Variants in LRFN1 observed in about 807,000 individuals in gnomAD.
The protein encoded by LRFN1 is leucine-rich repeat and fibronectin type III domain-containing protein 1.
LRFN1 carries 20 observed loss-of-function variants against 31.8 expected under a neutral mutation model. The ratio of observed to expected loss-of-function variants is 0.63; its 90% CI spans 0.44 to 0.91. LRFN1 has a LOEUF of 0.91. Ranked by LOEUF, LRFN1 falls within the 40% of genes least tolerant of loss-of-function variation. The pLI is 0.00. For synonymous variants in LRFN1, 514 were observed against 541.3 expected, an observed-to-expected ratio of 0.95 and a Z score of 0.70; for missense variants, 912 against 1,129.8, an observed-to-expected ratio of 0.81 and a Z score of 2.76.
At chr19:39,316,475 C>T (rs868564228) in intron 2 of LRFN1, among the ~76,000 whole-genome samples, 1 of 152,148 alleles carries the variant, frequency 6.6e-6, no homozygotes, top group Non-Finnish European at 1.5e-5. Flanking sequence ...TACCACCGAC[C>T]ATGCCTGGCA....
rs1291786896 is a variant in LRFN1, at chr19:39,314,848, G to C, written c.489C>G (p.Thr163=). Residue 163 remains threonine, a synonymous_variant, in exon 4 of 5, where the codon ACC becomes ACG. Transcript: ENST00000248668. ...TGTAGGACAGATCCAGGTCCTCCAC[G>C]GTGGACAGGAAGGCGTCAAAGGCCG... is the stretch of plus-strand genomic sequence containing the variant. ...ESAAFDAFLS[T]VEDLDLSYNN... is the part of the protein sequence containing the mutation. The C allele has an allele frequency of 8.1e-6, 13 of 1,611,748 alleles. No individual in the cohort carries two copies. The highest frequency in any genetic ancestry group is 1.0e-5 in the Non-Finnish European group (12 of 1,179,068).
In LRFN1 at chr19:39,314,557, C is replaced by A; in HGVS notation, c.780G>T (p.Leu260=). The change falls in exon 4 of 5, where the codon CTG becomes CTT. Residue 260 remains leucine (L), a synonymous_variant. Transcript: ENST00000248668. ...GGNPLHCNCE[L]LWLRRLTRED... is the part of the protein sequence containing the mutation. ...CGCGGGTCAGCCGCCGCAGCCAGAGCAGCTCGCAGTTGCAGTGCAGGGGGT... is the reference window on the plus strand; with the variant it reads ...CGCGGGTCAGCCGCCGCAGCCAGAGAAGCTCGCAGTTGCAGTGCAGGGGGT... 1.2e-6 allele frequency: 2 copies of A among 1,610,090 alleles called. No individual in the cohort carries two copies. Among genetic ancestry groups the A allele is most frequent in the Middle Eastern group, 1.7e-4 (1 of 6,056 alleles).
At position 39,315,514 on chromosome 19, in the gene LRFN1, A is replaced by AACAACAG. The variant is rs2075169355; in HGVS notation, c.-37-148_-37-142dup. The AACAACAG allele has an allele frequency of 3.5e-6, 2 of 576,808 alleles. No individual in the cohort carries two copies. Among genetic ancestry groups the AACAACAG allele is most frequent in the Middle Eastern group, 4.5e-4 (1 of 2,222 alleles). The allele number at this position is 576,808 out of a possible 1,614,324, so 35.7% of individuals were successfully genotyped here. A position where few individuals can be genotyped will look rare whatever the true frequency, so the allele number is the denominator to read the frequency against. Reference sequence around the variant, plus strand: ...TGAGAGGAAGCCACTATCAGCTATTAACAACAGATTACAACACTTCCATGC... The same window carrying AACAACAG: ...TGAGAGGAAGCCACTATCAGCTATTAACAACAGACAACAGATTACAACACTTCCATGC... On this transcript the variant is annotated intron_variant, in intron 3 of 4. Coordinates refer to ENST00000248668, the MANE Select transcript of LRFN1 (RefSeq NM_020862.2). This position sits in a 1 kb window ranked among gnomAD's most constrained non-coding sequence, Gnocchi z 4.7.
chr19:39,312,165 C>T (rs749810553), intron 4 of LRFN1, among the ~76,000 whole-genome samples: 47 of 151,992 alleles, frequency 3.1e-4, no homozygotes, highest in African/African-American at 6.0e-4. Flanking sequence ...CCATCGCGCC[C>T]GGCCAAGAGG....
chr19:39,310,315 A>T (rs1052449659), intron 4 of LRFN1, among the ~76,000 whole-genome samples: 2 of 152,220 alleles, frequency 1.3e-5, no homozygotes, highest in Admixed American at 1.3e-4. Flanking sequence ...GGGGATGATA[A>T]TAATTCCTAC....
rs2075130758 is a variant in LRFN1 at position 39,306,956 on chromosome 19, A to G, written c.*677T>C. 1 of 202,694 alleles carries G rather than the reference A, an allele frequency of 4.9e-6. No individual in the cohort carries two copies. Among genetic ancestry groups the G allele is most frequent in the Non-Finnish European group, 9.8e-6 (1 of 102,228 alleles). The allele number at this position is 202,694 out of a possible 1,614,324, so 12.6% of individuals were successfully genotyped here. A position where few individuals can be genotyped will look rare whatever the true frequency, so the allele number is the denominator to read the frequency against. On this transcript the variant is annotated 3_prime_UTR_variant, in exon 5 of 5. Coordinates refer to ENST00000248668, the MANE Select transcript of LRFN1 (RefSeq NM_020862.2). ...CCTTCCAGTGGGACCTGCCCGGGAG[A>G]ATGAGTAAAGAGAAGAAATCAGGAG...
In LRFN1 at chr19:39,307,971, C is replaced by T. The variant is rs1477970862; in HGVS notation, c.1978G>A (p.Gly660Arg). 8 of 1,580,054 alleles carry T rather than the reference C, an allele frequency of 5.1e-6. No individual in the cohort carries two copies. The highest frequency in any genetic ancestry group is 5.1e-6 in the Non-Finnish European group (6 of 1,171,236). Residue 660 changes from glycine (G) to arginine (R), a missense_variant, in exon 5 of 5, where the codon GGG becomes AGG. By Grantham distance (125) the Gly-to-Arg change is moderately radical. Around this residue, in one of 2 missense-constraint regions of LRFN1, gnomAD observed 511 missense variants for 557.0 expected, o/e 0.92. Transcript: ENST00000248668. The surrounding 1 kb of genome is among the most constrained non-coding windows in gnomAD (Gnocchi z 6.7). ...CCCACCGCGGCCCGAGACTCCTCCC[C>T]GGAAGTTTCCTCGGATGGCAGCAGG... Reference protein sequence around the residue: ...LCLLPSEETSGEESRAAVGPR... With the variant: ...LCLLPSEETSREESRAAVGPR...
At chr19:39,310,093 G>C (rs565263670) in intron 4 of LRFN1, among the ~76,000 whole-genome samples, 1 of 152,304 alleles carries the variant, frequency 6.6e-6, no homozygotes, top group South Asian at 2.1e-4. Flanking sequence ...GGACAGCTGA[G>C]ATTACAGGCA....
At chr19:39,312,780 G>A (rs1263263163) in intron 4 of LRFN1, among the ~76,000 whole-genome samples, 3 of 149,294 alleles carry the variant, frequency 2.0e-5, no homozygotes, top group Non-Finnish European at 4.4e-5. Context: ...CCAGCCTGGG[G>A]TGACAGAGCA....
At position 39,307,452 on chromosome 19, in the gene LRFN1, G is replaced by T. The variant is rs1159512674; in HGVS notation, c.*181C>A. On this transcript the variant is annotated 3_prime_UTR_variant, in exon 5 of 5. Transcript: ENST00000248668. The surrounding 1 kb of genome is among the most constrained non-coding windows in gnomAD (Gnocchi z 6.7). Reference sequence around the variant, plus strand: ...CAGCCGGTCCCCGAACCCCGCCCTGGGCACGGGGGCGTGGCCTCGAGCCGC... The same window carrying T: ...CAGCCGGTCCCCGAACCCCGCCCTGTGCACGGGGGCGTGGCCTCGAGCCGC... The T allele has an allele frequency of 6.8e-6, 4 of 585,244 alleles. No homozygotes were observed. Among genetic ancestry groups the T allele is most frequent in the African/African-American group, 5.8e-5 (3 of 51,508 alleles). The allele number at this position is 585,244 out of a possible 1,614,324, so 36.3% of individuals were successfully genotyped here.
rs2075162372 is a variant in LRFN1, at chr19:39,314,308, G to A, written c.1029C>T (p.Asn343=). The change falls in exon 4 of 5, where the codon AAC becomes AAT. Residue 343 remains asparagine (N), a synonymous_variant. Transcript: ENST00000248668. ...WVAPDGRLLG[N]SSRTRVRGDG... is the part of the protein sequence containing the mutation. ...CCCCCCGGACCCGGGTCCGGCTGGA[G>A]TTCCCCAGCAGCCGCCCATCAGGTG... The A allele has an allele frequency of 6.2e-7, 1 of 1,605,378 alleles. No homozygotes were observed. The highest frequency in any genetic ancestry group is 1.1e-5 in the South Asian group (1 of 89,912).
Position 39,307,660 on chromosome 19 carries a change from G to T in LRFN1, c.2289C>A (p.Thr763=). Residue 763 remains threonine, a synonymous_variant, in exon 5 of 5, where the codon ACC becomes ACA. Transcript: ENST00000248668. This position sits in a 1 kb window ranked among gnomAD's most constrained non-coding sequence, Gnocchi z 6.7. ...SARACLAFTS[T]EWMLESTV The stretch of plus-strand genomic sequence containing the variant: ...ACACGGTACTCTCCAGCATCCACTC[G>T]GTGCTGGTGAAAGCCAGGCACGCCC... 1 of 1,482,332 alleles carries T rather than the reference G, an allele frequency of 6.7e-7. No homozygotes were observed. The highest frequency in any genetic ancestry group is 8.9e-7 in the Non-Finnish European group (1 of 1,125,382). The allele number at this position is 1,482,332 out of a possible 1,614,324, so 91.8% of individuals were successfully genotyped here. A position where few individuals can be genotyped will look rare whatever the true frequency, so the allele number is the denominator to read the frequency against.
rs536686948 is a variant in LRFN1, at chr19:39,308,086, G to C, written c.1863C>G (p.Val621=). The change falls in exon 5 of 5, where the codon GTC becomes GTG. Residue 621 remains valine (V), a synonymous_variant. Transcript: ENST00000248668. The surrounding 1 kb of genome is among the most constrained non-coding windows in gnomAD (Gnocchi z 6.2). ...TCTCGGCCTCCATGGCCTTGGCCTC[G>C]ACGGCGACGGCGGGGGCAGCCTGGG... The part of the protein sequence containing the change: ...VESQAAPAVA[V]EAKAMEAETA... 70 of 1,495,918 alleles carry C rather than the reference G, an allele frequency of 4.7e-5. No individual in the cohort carries two copies. In the Middle Eastern group the frequency reaches 7.3e-4, roughly 15 times the overall value. The allele number at this position is 1,495,918 out of a possible 1,614,324, so 92.7% of individuals were successfully genotyped here.
At position 39,307,446 on chromosome 19, in the gene LRFN1, G is replaced by T. The variant is rs895712514; in HGVS notation, c.*187C>A. 14 of 554,314 alleles carry T rather than the reference G, an allele frequency of 2.5e-5. No homozygotes were observed. The Admixed American group carries it at 5.2e-4, about 21-fold the overall frequency. 34.3% of individuals were successfully genotyped at this position (554,314 alleles called of 1,614,324 possible). On this transcript the variant is annotated 3_prime_UTR_variant, in exon 5 of 5. Transcript: ENST00000248668. This position sits in a 1 kb window ranked among gnomAD's most constrained non-coding sequence, Gnocchi z 6.7. Reference sequence around the variant, plus strand: ...GGCCGGCAGCCGGTCCCCGAACCCCGCCCTGGGCACGGGGGCGTGGCCTCG... The same window carrying T: ...GGCCGGCAGCCGGTCCCCGAACCCCTCCCTGGGCACGGGGGCGTGGCCTCG...
Position 39,307,719 on chromosome 19 carries a change from C to G in LRFN1, c.2230G>C (p.Gly744Arg). The change falls in exon 5 of 5, where the codon GGG (glycine) becomes CGG (arginine). Residue 744 changes from glycine (G) to arginine (R), a missense_variant. Physicochemically the swap from Gly to Arg is moderately radical, Grantham distance 125. Transcript: ENST00000248668. This position sits in a 1 kb window ranked among gnomAD's most constrained non-coding sequence, Gnocchi z 6.7. ...HLDGAGGGAA[G>R]EDGDLGLGSA... ...CCCAGCCCCAGGTCTCCATCCTCCCCGGCCGCGCCCCCTCCAGCCCCGTCC... is the reference window on the plus strand; with the variant it reads ...CCCAGCCCCAGGTCTCCATCCTCCCGGGCCGCGCCCCCTCCAGCCCCGTCC... 6 of 1,499,352 alleles carry G rather than the reference C, an allele frequency of 4.0e-6. No individual in the cohort carries two copies. The highest frequency in any genetic ancestry group is 5.3e-6 in the Non-Finnish European group (6 of 1,137,080). 92.9% of individuals were successfully genotyped at this position (1,499,352 alleles called of 1,614,324 possible). A position where few individuals can be genotyped will look rare whatever the true frequency, so the allele number is the denominator to read the frequency against.
chr19:39,313,987 T>A lies in LRFN1; in HGVS notation c.1350A>T (p.Gly450=). The part of the protein sequence containing the change: ...IRWPAQRPVP[G]IRMYQVQYNS... Reference sequence around the variant, plus strand: ...TGTACTGAACCTGGTACATGCGTATTCCGGGCACAGGCCTCTGGGCTGGCC... The same window carrying A: ...TGTACTGAACCTGGTACATGCGTATACCGGGCACAGGCCTCTGGGCTGGCC... Residue 450 remains glycine, a synonymous_variant, in exon 4 of 5, where the codon GGA becomes GGT. Transcript: ENST00000248668. The A allele has an allele frequency of 6.2e-7, 1 of 1,609,554 alleles. No homozygotes were observed. The highest frequency in any genetic ancestry group is 8.5e-7 in the Non-Finnish European group (1 of 1,178,694).
At position 39,307,913 on chromosome 19, in the gene LRFN1, G is replaced by A. The variant is rs1276203120; in HGVS notation, c.2036C>T (p.Pro679Leu). The A allele has an allele frequency of 5.7e-6, 9 of 1,566,030 alleles. No individual in the cohort carries two copies. In the South Asian group the frequency reaches 6.9e-5, roughly 12 times the overall value. The change falls in exon 5 of 5, where the codon CCA becomes CTA. Residue 679 changes from proline to leucine, a missense_variant. Coordinates refer to ENST00000248668, the MANE Select transcript of LRFN1 (RefSeq NM_020862.2). This position sits in a 1 kb window ranked among gnomAD's most constrained non-coding sequence, Gnocchi z 6.7. ...PRRSRSGALEPPTSAPPTLAL... is the reference protein window; with the variant it reads ...PRRSRSGALELPTSAPPTLAL... The stretch of plus-strand genomic sequence containing the variant: ...TAGAGTAGGGGGCGCCGAGGTTGGT[G>A]GCTCCAGGGCGCCGGATCGGCTCCT...
chr19:39,310,668 C>A (rs973539673), intron 4 of LRFN1, among the ~76,000 whole-genome samples: 1 of 152,152 alleles, frequency 6.6e-6, no homozygotes, highest in African/African-American at 2.4e-5. Context: ...TCCCGGGAGA[C>A]AAGGACTGCC....
At chr19:39,320,107 C>CG (rs2075183572) in intron 1 of LRFN1, among the ~76,000 whole-genome samples, 1 of 149,978 alleles carries the variant, frequency 6.7e-6, no homozygotes, top group African/African-American at 2.5e-5. Flanking sequence ...CCATCCCCCC[C>CG]CCGCAACCAC....
Sources: allele counts gnomAD v4.1 joint callset (sites outside exome capture counted in the v4.1 genomes callset), GRCh38; gene constraint gnomAD v4.1.1; regional missense constraint gnomAD v4.1.1; non-coding constraint Gnocchi (gnomAD v3.1); transcripts MANE v1.5; gene names NCBI Gene and HGNC (gene_info 2026-07-23, HGNC 2026-07-21).